The following KRT82 variants were observed in gnomAD, a reference collection of about 807,000 sequenced individuals.
KRT82 encodes keratin 82.
A neutral mutation model predicts 48.0 loss-of-function variants in KRT82; 44 were observed. That is an observed-to-expected ratio of 0.92 (90% confidence interval 0.72 to 1.18). The LOEUF (loss-of-function observed/expected upper bound fraction) is 1.18, where lower values mean the gene tolerates loss of function less well. Among genes scored for constraint, KRT82 ranks in the 50% most tolerant of loss-of-function variants. The pLI, the probability that KRT82 is intolerant of heterozygous loss-of-function variation, is 0.00. For synonymous variants in KRT82, 297 were observed against 278.3 expected (o/e 1.07, Z -0.67); for missense variants, 701 against 671.4 (o/e 1.04, Z -0.49).
In KRT82 at chr12:52,400,509, G is replaced by A; in HGVS notation, c.777+18C>T. 1 of 1,590,448 alleles carries A rather than the reference G, an allele frequency of 6.3e-7. No homozygotes were observed. Among genetic ancestry groups the A allele is most frequent in the Non-Finnish European group, 8.6e-7 (1 of 1,158,486 alleles). On this transcript the variant is annotated intron_variant, in intron 4 of 8. Transcript: ENST00000257974. ...GCTCCAGCCCTGACTAACCACCCAA[G>A]GTCAGGGCTGTGGGTACCTCCTCAT...
Position 52,400,767 on chromosome 12 carries a change from G to T in KRT82, c.682-145C>A, listed in dbSNP as rs1217300696. ...ATGGAGCCGAGGTGGGGAAAAAGGG[G>T]TCCCTAGCCCTGGGACCCCAGGCCT... is the stretch of plus-strand genomic sequence containing the variant. On this transcript the variant is annotated intron_variant, in intron 3 of 8. Transcript: ENST00000257974. 94 of 625,474 alleles carry T rather than the reference G, an allele frequency of 1.5e-4. 1 individual carries two copies. The highest frequency in any genetic ancestry group is 2.1e-4 in the Non-Finnish European group (75 of 353,138). The allele number at this position is 625,474 out of a possible 1,614,324, so 38.7% of individuals were successfully genotyped here. A position where few individuals can be genotyped will look rare whatever the true frequency, so the allele number is the denominator to read the frequency against.
chr12:52,396,799 A>C (rs1470001718), intron 6 of KRT82, 84 bp downstream of exon 6: 2 of 1,497,690 alleles, frequency 1.3e-6, no homozygotes, highest in East Asian at 4.6e-5. Context: ...ACTCACAGCA[A>C]GGATTGAACC....
intron 1 of KRT82, among the ~76,000 whole-genome samples, chr12:52,404,145 G>A (rs748511603): frequency 2.0e-5 from 3 of 152,222 alleles, no homozygotes; most frequent in Non-Finnish European, 2.9e-5. Context: ...GCGTGTTGTA[G>A]TGGATGGTAC....
At position 52,403,701 on chromosome 12, in the gene KRT82, T is replaced by C. The variant is rs756311615; in HGVS notation, c.620A>G (p.Lys207Arg). ...TGGGGTAAAAGCAGCACTGACTCAC[T>C]TTTTCTTGTAGCCCTCCAGTGCAGC... Reference protein sequence around the residue: ...LQAALEGYKKKYEEELSLRPC... With the variant: ...LQAALEGYKKRYEEELSLRPC... Residue 207 changes from lysine to arginine, a missense_variant and splice_region_variant, in exon 2 of 9, where the codon AAA (lysine) becomes AGA (arginine). Coordinates refer to ENST00000257974, the MANE Select transcript of KRT82 (RefSeq NM_033033.4). 6.3e-6 allele frequency: 10 copies of C among 1,594,836 alleles called. No individual in the cohort carries two copies. The South Asian group carries it at 7.7e-5, about 12-fold the overall frequency.
chr12:52,405,235 G>A (rs535520637), intron 1 of KRT82, among the ~76,000 whole-genome samples: 2 of 152,160 alleles, frequency 1.3e-5, no homozygotes, highest in Admixed American at 6.6e-5. Context: ...AGTGGGTGCT[G>A]TGCTGTAGAT....
Position 52,397,033 on chromosome 12 carries a change from C to A in KRT82, c.943-25G>T, listed in dbSNP as rs755161552. 12 of 1,611,272 alleles carry A rather than the reference C, an allele frequency of 7.4e-6. No individual in the cohort carries two copies. In the African/African-American group the frequency reaches 1.3e-4, roughly 18 times the overall value. ...ACTGCCAGGACAGAGAGGTCAGAGC[C>A]CCAGGCCCCACAAGATGGCATCTCC... On this transcript the variant is annotated intron_variant, in intron 5 of 8. Transcript: ENST00000257974.
intron 3 of KRT82, among the ~76,000 whole-genome samples, chr12:52,400,957 G>A (rs1023958028): frequency 2.6e-5 from 4 of 152,202 alleles, no homozygotes; most frequent in Non-Finnish European, 5.9e-5. Flanking sequence ...CAGAGCTTTT[G>A]AGCTTTTGTT....
At position 52,401,236 on chromosome 12, in the gene KRT82, T is replaced by C. The variant is rs1939785876; in HGVS notation, c.681+53A>G. 4.6e-6 allele frequency: 7 copies of C among 1,516,888 alleles called. 1 individual carries two copies. The South Asian group carries it at 6.8e-5, about 15-fold the overall frequency. 94.0% of individuals were successfully genotyped at this position (1,516,888 alleles called of 1,614,324 possible). Reference sequence around the variant, plus strand: ...GGACTGAGTTCAGGGCTAGGTGGCCTGGGGCAACGCAGGCCAGCTCAGGGG... The same window carrying C: ...GGACTGAGTTCAGGGCTAGGTGGCCCGGGGCAACGCAGGCCAGCTCAGGGG... On this transcript the variant is annotated intron_variant, in intron 3 of 8. Transcript: ENST00000257974.
chr12:52,396,752 G>A, intron 6 of KRT82, 131 bp downstream of exon 6: 2 of 1,027,982 alleles, frequency 1.9e-6, no homozygotes, highest in South Asian at 3.2e-5. Flanking sequence ...GCTTCTGCTT[G>A]AGCAAGGCAG....
At position 52,396,866 on chromosome 12, in the gene KRT82, G is replaced by A; in HGVS notation, c.1068+17C>T. On this transcript the variant is annotated intron_variant, in intron 6 of 8. Transcript: ENST00000257974. Reference sequence around the variant, plus strand: ...CCAGGATGGCTGTTGCAGCAAGGAAGTCCTCCCCAGCCTCACCTGGGCTTT... The same window carrying A: ...CCAGGATGGCTGTTGCAGCAAGGAAATCCTCCCCAGCCTCACCTGGGCTTT... 6.2e-7 allele frequency: 1 copy of A among 1,613,328 alleles called. No individual in the cohort carries two copies. The highest frequency in any genetic ancestry group is 8.5e-7 in the Non-Finnish European group (1 of 1,179,892).
In KRT82 at chr12:52,406,114, C is replaced by T. The variant is rs377286730; in HGVS notation, c.164G>A (p.Arg55Gln). Residue 55 changes from arginine (R) to glutamine (Q), a missense_variant, in exon 1 of 9, where the codon CGG becomes CAG. Transcript: ENST00000257974. ...CCCAAAGCCCACGTTGCACAGGCTC[C>T]GTGAGCCAAGGCAGCCCAGAGCTCG... The part of the protein sequence containing the change: ...GLRALGCLGS[R>Q]SLCNVGFGRP... The T allele has an allele frequency of 1.5e-5, 24 of 1,612,946 alleles. No individual in the cohort carries two copies. The highest frequency in any genetic ancestry group is 8.0e-5 in the African/African-American group (6 of 74,920).
intron 3 of KRT82, 147 bp from the exon 4 acceptor site, chr12:52,400,769 C>T: frequency 3.2e-6 from 2 of 621,388 alleles, no homozygotes; most frequent in Non-Finnish European, 5.7e-6. Flanking sequence ...AAAAAGGGGT[C>T]CCTAGCCCTG....
chr12:52,400,273 C>A (rs1939770948), intron 4 of KRT82, 124 bp from the exon 5 acceptor site: 1 of 1,011,450 alleles, frequency 9.9e-7, no homozygotes, highest in South Asian at 1.6e-5. Flanking sequence ...CTGTTCTGGG[C>A]TTCAGTCACC....
intron 3 of KRT82, among the ~76,000 whole-genome samples, chr12:52,400,898 C>T (rs1282834557): frequency 6.6e-6 from 1 of 152,214 alleles, no homozygotes; most frequent in East Asian, 1.9e-4. Context: ...CTGGAAATAC[C>T]TGGCTACCTG....
At position 52,395,034 on chromosome 12, in the gene KRT82, C is replaced by T. The variant is rs374915649; in HGVS notation, c.1483G>A (p.Gly495Arg). 54 of 1,613,862 alleles carry T rather than the reference C, an allele frequency of 3.3e-5. No individual in the cohort carries two copies. Among genetic ancestry groups the T allele is most frequent in the African/African-American group, 3.2e-4 (24 of 74,892 alleles). ...CCTAGCGTCATGCTGGATTTCCGCC[C>T]GCTCCCACAGCTCAGTAGCCCCTGG... ...EPQGLLSCGSGRKSSMTLGAG... is the reference protein window; with the variant it reads ...EPQGLLSCGSRRKSSMTLGAG... The change falls in exon 9 of 9, where the codon GGG (glycine) becomes AGG (arginine). Residue 495 changes from glycine (G) to arginine (R), a missense_variant. Coordinates refer to ENST00000257974, the MANE Select transcript of KRT82 (RefSeq NM_033033.4).
At chr12:52,396,465 T>A (rs1194528175) in intron 6 of KRT82, among the ~76,000 whole-genome samples, 1 of 152,154 alleles carries the variant, frequency 6.6e-6, no homozygotes, top group African/African-American at 2.4e-5. Flanking sequence ...TCTGTGGGGT[T>A]AATATGTTTT....
chr12:52,394,497 T>G lies in KRT82; in HGVS notation c.*478A>C, dbSNP rs1592151752. 6.2e-6 allele frequency: 1 copy of G among 160,244 alleles called. No individual in the cohort carries two copies. Among genetic ancestry groups the G allele is most frequent in the South Asian group, 1.9e-4 (1 of 5,362 alleles). The allele number at this position is 160,244 out of a possible 1,614,324, so 9.9% of individuals were successfully genotyped here. On this transcript the variant is annotated 3_prime_UTR_variant, in exon 9 of 9. Coordinates refer to ENST00000257974, the MANE Select transcript of KRT82 (RefSeq NM_033033.4). ...TGGAATTTAGAGTGGGATTTGGGGGTGTCTCCTTTTGATATTTGCAGTGTG... is the reference window on the plus strand; with the variant it reads ...TGGAATTTAGAGTGGGATTTGGGGGGGTCTCCTTTTGATATTTGCAGTGTG...
rs752966130 is a variant in KRT82 at position 52,406,164 on chromosome 12, G to A, written c.114C>T (p.Cys38=). The A allele has an allele frequency of 5.6e-6, 9 of 1,612,786 alleles. No homozygotes were observed. Among genetic ancestry groups the A allele is most frequent in the Non-Finnish European group, 7.6e-6 (9 of 1,179,776 alleles). The change falls in exon 1 of 9, where the codon TGC becomes TGT. Residue 38 remains cysteine, a synonymous_variant. Coordinates refer to ENST00000257974, the MANE Select transcript of KRT82 (RefSeq NM_033033.4). ...GGAGGCCCCTACCACCCCCGGGCCG[G>A]CATGGCCCCTTGCTCACTGCATAGT... ...VTHYAVSKGP[C]RPGGGRGLRA...
At position 52,402,607 on chromosome 12, in the gene KRT82, G is replaced by A. The variant is rs111619134; in HGVS notation, c.620+1094C>T. 4.2e-3 allele frequency among the ~76,000 whole-genome samples: 632 copies of A among 152,230 alleles called. 6 individuals are homozygous for A. The highest frequency in any genetic ancestry group is 0.014 in the African/African-American group (598 of 41,536). On this transcript the variant is annotated intron_variant, in intron 2 of 8. Transcript: ENST00000257974. ...GCACCTCCTCCAGGAAGGCTTCCTG[G>A]ACTCCCGCTCTTTCCCTTTCTTGGG...
Sources: allele counts gnomAD v4.1 joint callset (sites outside exome capture counted in the v4.1 genomes callset), GRCh38; gene constraint gnomAD v4.1.1; transcripts MANE v1.5; gene names NCBI Gene and HGNC (gene_info 2026-07-23, HGNC 2026-07-21).